The following AHI1 variants were observed in gnomAD, a reference collection of about 807,000 sequenced individuals.
AHI1 encodes Abelson helper integration site 1.
In AHI1, 123 loss-of-function variants were observed where a neutral mutation model predicts 149.3. That is an observed-to-expected ratio of 0.82 (90% CI 0.71 to 0.96). AHI1 has a LOEUF of 0.96. Among genes scored for constraint, AHI1 ranks in the 40% least tolerant of loss-of-function variants. The probability of loss-of-function intolerance (pLI) is 0.00; values close to 1 mark genes in which losing one functional copy is unlikely to be tolerated. For missense variants in AHI1, 1,439 were observed against 1,422.7 expected (o/e 1.01, Z -0.18); for synonymous variants, 475 against 459.8 (o/e 1.03, Z -0.42).
chr6:135,396,410 T>C (rs930061878), intron 22 of AHI1, among the ~76,000 whole-genome samples: 4 of 151,776 alleles, frequency 2.6e-5, no homozygotes, highest in African/African-American at 9.7e-5. Flanking sequence ...GCAATAATGA[T>C]GAACGGGTAT....
chr6:135,391,302 A>G (rs1778448795), intron 23 of AHI1, among the ~76,000 whole-genome samples: 1 of 152,176 alleles, frequency 6.6e-6, no homozygotes, highest in South Asian at 2.1e-4. Context: ...AGGTTCATGG[A>G]AGACAATTTT....
chr6:135,363,706 G>C (rs1794321173), intron 23 of AHI1, among the ~76,000 whole-genome samples: 1 of 148,366 alleles, frequency 6.7e-6, no homozygotes. Flanking sequence ...TCCCGGACGG[G>C]GCGGCTGGCC....
intron 26 of AHI1, 163 bp downstream of exon 26, chr6:135,318,356 G>T: frequency 3.4e-6 from 2 of 586,816 alleles, no homozygotes; most frequent in East Asian, 2.9e-5. Flanking sequence ...CTGGAAAATG[G>T]CTATAACGTT....
intron 23 of AHI1, among the ~76,000 whole-genome samples, chr6:135,390,851 T>C (rs113876921): frequency 6.6e-6 from 1 of 152,216 alleles, no homozygotes; most frequent in Non-Finnish European, 1.5e-5. Context: ...TAAATTTTCA[T>C]ACAAATGCAA....
At chr6:135,379,860 T>C (rs1199545004) in intron 23 of AHI1, among the ~76,000 whole-genome samples, 1 of 148,538 alleles carries the variant, frequency 6.7e-6, no homozygotes, top group Non-Finnish European at 1.5e-5. Context: ...TACAGCTTCC[T>C]AGCTTCCTTC....
At chr6:135,301,466 G>A (rs1783874359) in intron 26 of AHI1, 1 of 985,282 alleles carries the variant, frequency 1.0e-6, no homozygotes, top group Admixed American at 6.1e-5. Context: ...ACTGAAGCTT[G>A]TTTGGCCTTT....
chr6:135,491,514 TTC>T (rs1795246080), intron 4 of AHI1, among the ~76,000 whole-genome samples: 1 of 152,174 alleles, frequency 6.6e-6, no homozygotes, highest in Non-Finnish European at 1.5e-5. Flanking sequence ...TCATCTAATT[TTC>T]CCTTTTCTCA....
intron 24 of AHI1, among the ~76,000 whole-genome samples, chr6:135,325,379 C>CT (rs986502485): frequency 1.3e-5 from 2 of 152,182 alleles, no homozygotes; most frequent in Admixed American, 1.3e-4. Context: ...ACAAGCGGAA[C>CT]TTTAACTTTT....
chr6:135,361,412 T>C (rs1041321099), intron 23 of AHI1, among the ~76,000 whole-genome samples: 4 of 152,214 alleles, frequency 2.6e-5, no homozygotes, highest in African/African-American at 9.6e-5. Flanking sequence ...TGCTGGTGAC[T>C]ATGTTTTTTC....
intron 23 of AHI1, among the ~76,000 whole-genome samples, chr6:135,368,033 C>T (rs1471236796): frequency 6.6e-6 from 1 of 152,168 alleles, no homozygotes; most frequent in African/African-American, 2.4e-5. Flanking sequence ...ATTCTTCTGT[C>T]CCACGGGATG....
Position 135,396,253 on chromosome 6 carries a change from C to T in AHI1, c.2989-1357G>A, listed in dbSNP as rs113363858. ...CCAGCTTTAAAAATTCTATCAAAAT[C>T]CATTAAATACAGATCAAAACTGACC... On this transcript the variant is annotated intron_variant, in intron 22 of 28. Transcript: ENST00000265602. Among the ~76,000 whole-genome samples the T allele has an allele frequency of 8.7e-3, 1,316 of 151,814 alleles. 26 individuals are homozygous for T. The highest frequency in any genetic ancestry group is 0.03 in the African/African-American group (1,256 of 41,522).
chr6:135,337,101 A>G lies in AHI1; in HGVS notation c.3166-13777T>C, dbSNP rs550662779. 1.4e-4 allele frequency among the ~76,000 whole-genome samples: 22 copies of G among 152,288 alleles called. No individual in the cohort carries two copies. In the East Asian group the frequency reaches 4.2e-3, roughly 29 times the overall value. ...GACTTACATTATAAGCCCTCATGGA[A>G]CCATGGGAACACAAACCTGCTTGGT... On this transcript the variant is annotated intron_variant, in intron 24 of 28. Transcript: ENST00000265602.
rs375317660 is a variant in AHI1, at chr6:135,358,186, C to G, written c.3111G>C (p.Gly1037=). The change falls in exon 24 of 29, where the codon GGG becomes GGC. Residue 1037 remains glycine, a splice_region_variant and synonymous_variant. Transcript: ENST00000265602. ...ILHQFGFTQT[G]IISIERKPCN... is the part of the protein sequence containing the mutation. Reference sequence around the variant, plus strand: ...AAGGCTTTCTTTCTATGCTGATAATCCCTGTGGAAAGAAAACATTGTGAGT... The same window carrying G: ...AAGGCTTTCTTTCTATGCTGATAATGCCTGTGGAAAGAAAACATTGTGAGT... 21 of 1,611,690 alleles carry G rather than the reference C, an allele frequency of 1.3e-5. No homozygotes were observed. The highest frequency in any genetic ancestry group is 3.3e-4 in the Middle Eastern group (2 of 6,076).
chr6:135,323,030 A>C (rs1337209727), intron 25 of AHI1, 132 bp downstream of exon 25: 29 of 952,572 alleles, frequency 3.0e-5, no homozygotes, highest in Non-Finnish European at 3.9e-5. Flanking sequence ...CATCATGAGA[A>C]TGAAAAACAA....
intron 22 of AHI1, among the ~76,000 whole-genome samples, chr6:135,401,702 A>G (rs1292967877): frequency 6.6e-6 from 1 of 152,226 alleles, no homozygotes; most frequent in Non-Finnish European, 1.5e-5. Flanking sequence ...AAATAATCAC[A>G]GACCTGAATG....
intron 11 of AHI1, among the ~76,000 whole-genome samples, chr6:135,452,549 A>G (rs1788287605): frequency 6.6e-6 from 1 of 152,196 alleles, no homozygotes; most frequent in Non-Finnish European, 1.5e-5. Flanking sequence ...CAGAGTATAT[A>G]TCTTTCTAAA....
intron 21 of AHI1, among the ~76,000 whole-genome samples, chr6:135,405,880 A>AAAAAAG (rs925330685): frequency 1.7e-4 from 26 of 150,966 alleles, no homozygotes; most frequent in Non-Finnish European, 2.8e-4. Flanking sequence ...AAAAAGAAAA[A>AAAAAAG]AAAAAGAAAA....
rs772087650 is a variant in AHI1 at position 135,433,224 on chromosome 6, G to A, written c.2069C>T (p.Thr690Ile). The stretch of plus-strand genomic sequence containing the variant: ...AGAAGGATGAGGTAAAACTCTGAAA[G>A]TATTTGTATTGTTTATTTCATTTTT... ...IWKNEINNTNTFRVLPHPSFV... is the reference protein window; with the variant it reads ...IWKNEINNTNIFRVLPHPSFV... The change falls in exon 16 of 29, where the codon ACT becomes ATT. Residue 690 changes from threonine to isoleucine, a missense_variant. Coordinates refer to ENST00000265602, the MANE Select transcript of AHI1 (RefSeq NM_001134831.2). 2 of 1,609,708 alleles carry A rather than the reference G, an allele frequency of 1.2e-6. No individual in the cohort carries two copies. Among genetic ancestry groups the A allele is most frequent in the Middle Eastern group, 1.7e-4 (1 of 6,052 alleles).
At chr6:135,394,714 T>C (rs1453356979) in intron 23 of AHI1, 62 bp downstream of exon 23, 3 of 1,588,704 alleles carry the variant, frequency 1.9e-6, no homozygotes, top group Non-Finnish European at 2.6e-6. Flanking sequence ...ATAAGTGATA[T>C]TCATCAACAC....
Sources: gnomAD v4.1 joint callset for allele counts (sites outside exome capture counted in the v4.1 genomes callset) on GRCh38, gnomAD v4.1.1 for gene constraint, MANE v1.5 for transcripts, NCBI Gene and HGNC (gene_info 2026-07-23, HGNC 2026-07-21) for gene names.